DLG1: variants seen among roughly 807,000 people sequenced by gnomAD.
The protein encoded by DLG1 is discs large MAGUK scaffold protein 1.
A neutral mutation model predicts 123.4 loss-of-function variants in DLG1; 42 were observed. That is an observed-to-expected ratio of 0.34 (90% confidence interval 0.27 to 0.44). DLG1 has a LOEUF of 0.44. Ranked by LOEUF, DLG1 falls within the 20% of genes least tolerant of loss-of-function variation. The pLI, the probability that DLG1 is intolerant of heterozygous loss-of-function variation, is 1.00. For synonymous variants in DLG1, 317 were observed against 356.2 expected (o/e 0.89, Z 1.24); for missense variants, 942 against 1,082.6 (o/e 0.87, Z 1.82).
intron 4 of DLG1, among the ~76,000 whole-genome samples, chr3:197,240,753 G>T (rs976818925): frequency 2.9e-5 from 4 of 138,772 alleles, no homozygotes; most frequent in Non-Finnish European, 4.7e-5. Flanking sequence ...AGAAATCTTG[G>T]AACTGAGAAA....
intron 6 of DLG1, among the ~76,000 whole-genome samples, chr3:197,148,410 A>AG (rs1792182581): frequency 6.9e-6 from 1 of 144,388 alleles, no homozygotes; most frequent in African/African-American, 2.6e-5. Context: ...AACTGTCTCA[A>AG]GAAAAAAAAA....
At chr3:197,102,736 G>A (rs868434321) in intron 14 of DLG1, among the ~76,000 whole-genome samples, 1 of 152,184 alleles carries the variant, frequency 6.6e-6, no homozygotes, top group African/African-American at 2.4e-5. Context: ...TAAGCCGGGC[G>A]TGGTGGCAGG....
rs768143317 is a variant in DLG1 at position 197,272,721 on chromosome 3, AAAG to A, written c.318+9955_318+9957del. On this transcript the variant is annotated intron_variant, in intron 4 of 24. Coordinates refer to ENST00000667157, the MANE Select transcript of DLG1 (RefSeq NM_001366207.1). ...AGATGAAATGCACAAATATAAGAAA[AAAG>A]AAGCACACAAGGGGGTATATACACT... Among the ~76,000 whole-genome samples, 140 of 152,232 alleles carry A rather than the reference AAAG, an allele frequency of 9.2e-4. 1 individual carries two copies. Among genetic ancestry groups the A allele is most frequent in the Non-Finnish European group, 1.1e-3 (78 of 68,042 alleles).
intron 4 of DLG1, among the ~76,000 whole-genome samples, chr3:197,280,121 T>C (rs957154134): frequency 6.6e-6 from 1 of 152,166 alleles, no homozygotes; most frequent in Non-Finnish European, 1.5e-5. Context: ...TTAACCATCC[T>C]CTCTTCATCT....
intron 4 of DLG1, among the ~76,000 whole-genome samples, chr3:197,279,670 C>G (rs867260208): frequency 1.3e-5 from 2 of 152,192 alleles, no homozygotes; most frequent in South Asian, 2.1e-4. Context: ...GGTGTAGAAA[C>G]CAGAGCTGCA....
At chr3:197,231,149 C>G (rs1359949587) in intron 4 of DLG1, among the ~76,000 whole-genome samples, 2 of 152,114 alleles carry the variant, frequency 1.3e-5, no homozygotes, top group East Asian at 3.8e-4. Context: ...TGTAAGAGAA[C>G]CATATGGGAT....
chr3:197,210,245 T>TTA (rs1730631551), intron 4 of DLG1, among the ~76,000 whole-genome samples: 1 of 105,792 alleles, frequency 9.5e-6, no homozygotes. Context: ...TGAGAAGCTA[T>TTA]AAAAAAAAAA....
chr3:197,176,210 A>G (rs1806985327), intron 5 of DLG1, among the ~76,000 whole-genome samples: 1 of 152,044 alleles, frequency 6.6e-6, no homozygotes, highest in Admixed American at 6.6e-5. Context: ...ATTTTTTTAG[A>G]GCAGTTTTAG....
intron 14 of DLG1, among the ~76,000 whole-genome samples, chr3:197,101,462 T>G (rs992677392): frequency 6.6e-6 from 1 of 151,252 alleles, no homozygotes; most frequent in Non-Finnish European, 1.5e-5. Context: ...CTCGGCTCAC[T>G]GCAAGCTCGG....
At chr3:197,208,297 C>T (rs193060725) in intron 4 of DLG1, among the ~76,000 whole-genome samples, 5 of 146,604 alleles carry the variant, frequency 3.4e-5, no homozygotes, top group East Asian at 2.0e-4. Flanking sequence ...CACTTTCATA[C>T]GAATCTGTGG....
In DLG1 at chr3:197,203,747, C is replaced by A. The variant is rs568247085; in HGVS notation, c.319-9158G>T. Among the ~76,000 whole-genome samples the A allele has an allele frequency of 9.1e-4, 139 of 152,280 alleles. 1 individual carries two copies. The highest frequency in any genetic ancestry group is 1.4e-3 in the Non-Finnish European group (96 of 68,008). On this transcript the variant is annotated intron_variant, in intron 4 of 24. Coordinates refer to ENST00000667157, the MANE Select transcript of DLG1 (RefSeq NM_001366207.1). ...ATCCTTTCAAGAGCAAAACTATATT[C>A]TTGGTTTCAAGGTTAAAATAAATGG...
Position 197,282,747 on chromosome 3 carries a change from T to G in DLG1, c.250A>C (p.Ile84Leu), listed in dbSNP as rs1241678036. 1.2e-6 allele frequency: 2 copies of G among 1,612,314 alleles called. No homozygotes were observed. The highest frequency in any genetic ancestry group is 1.7e-6 in the Non-Finnish European group (2 of 1,179,246). ...ACAGTAGAGCTTGGAAGGCTGGAAA[T>G]CTCCCAAGTATTCACAGGTTGAATT... is the stretch of plus-strand genomic sequence containing the variant. The part of the protein sequence containing the change: ...EPIQPVNTWE[I>L]SSLPSSTVTS... Residue 84 changes from isoleucine (I) to leucine (L), a missense_variant, in exon 4 of 25, where the codon ATT becomes CTT. By Grantham distance (5) the Ile-to-Leu change is conservative. Transcript: ENST00000667157.
intron 14 of DLG1, among the ~76,000 whole-genome samples, chr3:197,102,596 T>C (rs1291993143): frequency 1.3e-5 from 2 of 152,186 alleles, no homozygotes; most frequent in Non-Finnish European, 2.9e-5. Flanking sequence ...TACTTATTAC[T>C]GGGGCTGGGG....
rs1767952842 is a variant in DLG1 at position 197,279,111 on chromosome 3, G to A, written c.318+3568C>T. Reference sequence around the variant, plus strand: ...AAACATCATGCCCCAAGAGTCTAAAGTAGCAAATGAAACAAGAGATCAAAT... The same window carrying A: ...AAACATCATGCCCCAAGAGTCTAAAATAGCAAATGAAACAAGAGATCAAAT... On this transcript the variant is annotated intron_variant, in intron 4 of 24. Transcript: ENST00000667157. Among the ~76,000 whole-genome samples, 3 of 152,148 alleles carry A rather than the reference G, an allele frequency of 2.0e-5. No homozygotes were observed. In the East Asian group the frequency reaches 5.8e-4, roughly 29 times the overall value.
chr3:197,217,703 T>C (rs759911534), intron 4 of DLG1, among the ~76,000 whole-genome samples: 12 of 152,196 alleles, frequency 7.9e-5, no homozygotes, highest in Non-Finnish European at 1.5e-4. Flanking sequence ...TATGGCTCCA[T>C]TTATATAAAA....
intron 5 of DLG1, among the ~76,000 whole-genome samples, chr3:197,168,841 A>G (rs2149998558): frequency 6.6e-6 from 1 of 152,332 alleles, no homozygotes; most frequent in Middle Eastern, 3.4e-3. Context: ...TCATGGAATC[A>G]TTAGCCTCTG....
intron 22 of DLG1, among the ~76,000 whole-genome samples, chr3:197,060,521 TAAAA>T (rs1291014652): frequency 6.6e-6 from 1 of 152,188 alleles, no homozygotes; most frequent in Non-Finnish European, 1.5e-5. Flanking sequence ...TCATAAAAGA[TAAAA>T]AACCCTAGAG....
chr3:197,289,221 G>C (rs1279808775), intron 3 of DLG1, among the ~76,000 whole-genome samples: 1 of 152,178 alleles, frequency 6.6e-6, no homozygotes, highest in African/African-American at 2.4e-5. Flanking sequence ...ATTTTAACTA[G>C]ATGAGGTTTT....
rs557503525 is a variant in DLG1 at position 197,106,514 on chromosome 3, A to C, written c.1444-1509T>G. On this transcript the variant is annotated intron_variant, in intron 13 of 24. Coordinates refer to ENST00000667157, the MANE Select transcript of DLG1 (RefSeq NM_001366207.1). The stretch of plus-strand genomic sequence containing the variant: ...TTAGTATCTCCAGCTGATGATGGCC[A>C]TATAAAACTCAATACAATGTATAAA... Among the ~76,000 whole-genome samples the C allele has an allele frequency of 3.3e-5, 5 of 151,512 alleles. No homozygotes were observed. In the South Asian group the frequency reaches 1.0e-3, roughly 31 times the overall value.
Sources: allele counts gnomAD v4.1 joint callset (sites outside exome capture counted in the v4.1 genomes callset), GRCh38; gene constraint gnomAD v4.1.1; transcripts MANE v1.5; gene names NCBI Gene and HGNC (gene_info 2026-07-23, HGNC 2026-07-21).